WDR90: variants seen among roughly 807,000 people sequenced by gnomAD.
The protein encoded by WDR90 is WD repeat domain 90, also known as WD repeat-containing protein 90.
In WDR90, 238 loss-of-function variants were observed where a neutral mutation model predicts 195.2. The ratio of observed to expected loss-of-function variants is 1.22; its 90% CI spans 1.10 to 1.36. The LOEUF (loss-of-function observed/expected upper bound fraction) is 1.36, where lower values mean the gene tolerates loss of function less well. Ranked by LOEUF, WDR90 falls within the 40% of genes most tolerant of loss-of-function variation. The pLI is 0.00. For missense variants in WDR90, 2,734 were observed against 2,439.5 expected, an observed-to-expected ratio of 1.12 and a Z score of -2.54; for synonymous variants, 1,265 against 1,052.4, an observed-to-expected ratio of 1.20 and a Z score of -3.91.
chr16:660,989 G>GCCCCCCCCCCCCCC, intron 28 of WDR90, 62 bp from the exon 29 acceptor site: 1 of 24,682 alleles, frequency 4.1e-5, no homozygotes, highest in Non-Finnish European at 5.9e-5. Context: ...CCCCTCCCCA[G>GCCCCCCCCCCCCCC]GCCCCTCCCC....
Position 655,896 on chromosome 16 carries a change from C to G in WDR90, c.1966+7C>G, listed in dbSNP as rs1207647914. 8 of 1,587,514 alleles carry G rather than the reference C, an allele frequency of 5.0e-6. No homozygotes were observed. Among genetic ancestry groups the G allele is most frequent in the Non-Finnish European group, 6.8e-6 (8 of 1,171,284 alleles). ...TCGGTGCTCCTGGAGGCAGGTGATGCTGTGGGCACGCTCTCCCAACTCCGG... is the reference window on the plus strand; with the variant it reads ...TCGGTGCTCCTGGAGGCAGGTGATGGTGTGGGCACGCTCTCCCAACTCCGG... On this transcript the variant is annotated splice_region_variant and intron_variant, in intron 17 of 40. Coordinates refer to ENST00000293879, the MANE Select transcript of WDR90 (RefSeq NM_145294.5).
chr16:649,086 C>T (rs564759185), upstream of WDR90: 35 of 306,608 alleles, frequency 1.1e-4, 1 homozygote, highest in East Asian at 1.8e-3. Context: ...TTGCATGCGG[C>T]GGGAGCCCCG....
rs749304920 is a variant in WDR90, at chr16:652,023, G to A, written c.1037G>A (p.Arg346His). 12 of 1,597,128 alleles carry A rather than the reference G, an allele frequency of 7.5e-6. No homozygotes were observed. The South Asian group carries it at 7.9e-5, about 10-fold the overall frequency. ...THESAEVPVARTGSCEGFLPD... is the reference protein window; with the variant it reads ...THESAEVPVAHTGSCEGFLPD... ...GAGTCGGCTGAGGTGCCCGTGGCCC[G>A]CACCGGCTCCTGCGAAGTGAGTGCC... Residue 346 changes from arginine to histidine, a missense_variant, in exon 9 of 41, where the codon CGC (arginine) becomes CAC (histidine). Coordinates refer to ENST00000293879, the MANE Select transcript of WDR90 (RefSeq NM_145294.5).
At chr16:666,876 G>A (rs933765314) in intron 39 of WDR90, 29 bp from the exon 40 acceptor site, 37 of 1,612,870 alleles carry the variant, frequency 2.3e-5, no homozygotes, top group Non-Finnish European at 3.0e-5. Flanking sequence ...GAGCCCACAG[G>A]CCTGGAGCCT....
chr16:657,924 A>G (rs2037796341), intron 21 of WDR90, 32 bp downstream of exon 21: 1 of 1,521,652 alleles, frequency 6.6e-7, no homozygotes, highest in Non-Finnish European at 8.9e-7. Flanking sequence ...GTCCAGGGAG[A>G]CTGGGCCATG....
chr16:655,202 G>A (rs748120697), intron 14 of WDR90, 55 bp downstream of exon 14: 10 of 1,612,158 alleles, frequency 6.2e-6, no homozygotes, highest in African/African-American at 1.3e-5. Context: ...CGGAGTGGGG[G>A]CCGAGGCCCG....
At chr16:651,301 G>A in intron 7 of WDR90, 35 bp downstream of exon 7, 1 of 1,609,818 alleles carries the variant, frequency 6.2e-7, no homozygotes, top group Middle Eastern at 1.7e-4. Flanking sequence ...CCCAGGTTAA[G>A]GCCTGTAGGG....
rs750079031 is a variant in WDR90, at chr16:656,783, C to A, written c.2254C>A (p.Pro752Thr). 5 of 1,613,132 alleles carry A rather than the reference C, an allele frequency of 3.1e-6. No homozygotes were observed. The highest frequency in any genetic ancestry group is 2.2e-5 in the South Asian group (2 of 91,094). ...CGCCCCGTGCGCTGTCACCTTCCAC[C>A]CCACAAGGCCAACCTTTTTCTGTGG... ...EDAPCAVTFHPTRPTFFCGFS... is the reference protein window; with the variant it reads ...EDAPCAVTFHTTRPTFFCGFS... Residue 752 changes from proline to threonine, a missense_variant, in exon 19 of 41, where the codon CCC becomes ACC. Physicochemically the swap from Pro to Thr is conservative, Grantham distance 38. Coordinates refer to ENST00000293879, the MANE Select transcript of WDR90 (RefSeq NM_145294.5).
At chr16:651,164 GC>G (rs1057049273) in intron 6 of WDR90, 34 bp from the exon 7 acceptor site, 10 of 1,613,154 alleles carry the variant, frequency 6.2e-6, no homozygotes, top group Non-Finnish European at 7.6e-6. Flanking sequence ...TGGCCCTTGG[GC>G]CCCCAGACAC....
intron 1 of WDR90, 29 bp from the exon 2 acceptor site, chr16:649,734 C>T: frequency 6.5e-7 from 1 of 1,544,332 alleles, no homozygotes; most frequent in Non-Finnish European, 8.7e-7. Flanking sequence ...TGGCCGAGTC[C>T]CCTGACGCCC....
At chr16:656,929 C>T in intron 19 of WDR90, 58 bp downstream of exon 19, 2 of 1,581,970 alleles carry the variant, frequency 1.3e-6, no homozygotes, top group Admixed American at 3.5e-5. Context: ...GCTGGGGTGG[C>T]CAGGTGGGGG....
At chr16:665,465 A>C (rs531265887) in intron 34 of WDR90, 4 of 677,402 alleles carry the variant, frequency 5.9e-6, no homozygotes, top group Non-Finnish European at 1.0e-5. Flanking sequence ...TTGACTGGCT[A>C]GTGGGCTTGC....
In WDR90 at chr16:666,004, C is replaced by G. The variant is rs374395486; in HGVS notation, c.4489C>G (p.Arg1497Gly). 1 of 1,603,738 alleles carries G rather than the reference C, an allele frequency of 6.2e-7. No homozygotes were observed. The highest frequency in any genetic ancestry group is 1.3e-5 in the African/African-American group (1 of 74,918). ...PPCCGRPEQQ[R>G]LAAGYGDGSL... ...GTGCTGTGGCCGCCCTGAGCAGCAG[C>G]GGCTAGCGGCTGGCTACGGTGACGG... is the stretch of plus-strand genomic sequence containing the variant. The change falls in exon 36 of 41, where the codon CGG becomes GGG. Residue 1497 changes from arginine (R) to glycine (G), a missense_variant. Transcript: ENST00000293879.
rs148710342 is a variant in WDR90, at chr16:651,579, G to A, written c.737-65G>A. On this transcript the variant is annotated intron_variant, in intron 7 of 40. Transcript: ENST00000293879. Reference sequence around the variant, plus strand: ...CCACTTGCTGCTGCCCTCCCCAGGCGTCACCCTCACCAGGCATCTGCACAG... The same window carrying A: ...CCACTTGCTGCTGCCCTCCCCAGGCATCACCCTCACCAGGCATCTGCACAG... 2.1e-4 allele frequency: 314 copies of A among 1,521,572 alleles called. 3 individuals carry two copies. The African/African-American group carries it at 3.1e-3, about 15-fold the overall frequency. 94.3% of individuals were successfully genotyped at this position (1,521,572 alleles called of 1,614,324 possible). A position where few individuals can be genotyped will look rare whatever the true frequency, so the allele number is the denominator to read the frequency against.
rs374002377 is a variant in WDR90, at chr16:661,818, G to A, written c.3864+31G>A. 6 of 1,587,466 alleles carry A rather than the reference G, an allele frequency of 3.8e-6. No homozygotes were observed. In the African/African-American group the frequency reaches 5.4e-5, roughly 14 times the overall value. On this transcript the variant is annotated intron_variant, in intron 31 of 40. Transcript: ENST00000293879. ...ACCCGTTCAGCGTTTGGGCCCAGGGGTTGTTTTGTGGGGTGGAATCTGCCT... is the reference window on the plus strand; with the variant it reads ...ACCCGTTCAGCGTTTGGGCCCAGGGATTGTTTTGTGGGGTGGAATCTGCCT...
chr16:666,928 C>T lies in WDR90; in HGVS notation c.5028C>T (p.Pro1676=), dbSNP rs1567226359. ...QKQVVEKIPL[P]FFAMSLSLSP... ...AGGTGGTGGAGAAGATACCACTGCC[C>T]TTTTTTGCCATGTCCCTGAGCCTGT... Residue 1676 remains proline, a synonymous_variant, in exon 40 of 41, where the codon CCC becomes CCT. Transcript: ENST00000293879. 3.7e-6 allele frequency: 6 copies of T among 1,613,076 alleles called. No individual in the cohort carries two copies. The highest frequency in any genetic ancestry group is 3.3e-5 in the South Asian group (3 of 91,032).
rs551429282 is a variant in WDR90 at position 653,770 on chromosome 16, C to T, written c.1404C>T (p.Leu468=). The T allele has an allele frequency of 1.1e-5, 17 of 1,613,276 alleles. No individual in the cohort carries two copies. Among genetic ancestry groups the T allele is most frequent in the Admixed American group, 1.0e-4 (6 of 60,026 alleles). Residue 468 remains leucine, a synonymous_variant, in exon 13 of 41, where the codon CTC becomes CTT. Transcript: ENST00000293879. ...SLSFSDSGAL[L]CGVGKDHHGR... ...GCTTCTCTGACAGCGGGGCCCTTCTCTGCGGGGTTGGCAAGGACCACCACG... is the reference window on the plus strand; with the variant it reads ...GCTTCTCTGACAGCGGGGCCCTTCTTTGCGGGGTTGGCAAGGACCACCACG...
rs777557710 is a variant in WDR90 at position 667,472 on chromosome 16, C to G, written c.5130C>G (p.Ala1710=). ...LRLVDCAMGT[A]QDFAGHDNAV... ...TGGTAGACTGTGCCATGGGGACTGC[C>G]CAAGACTTTGCCGGCCACGACAACG... The change falls in exon 41 of 41, where the codon GCC becomes GCG. Residue 1710 remains alanine, a synonymous_variant. Coordinates refer to ENST00000293879, the MANE Select transcript of WDR90 (RefSeq NM_145294.5). The G allele has an allele frequency of 6.2e-7, 1 of 1,610,104 alleles. No homozygotes were observed. Among genetic ancestry groups the G allele is most frequent in the East Asian group, 2.2e-5 (1 of 44,782 alleles).
At position 655,561 on chromosome 16, in the gene WDR90, C is replaced by T; in HGVS notation, c.1719-12C>T. On this transcript the variant is annotated splice_polypyrimidine_tract_variant and intron_variant, in intron 15 of 40. Coordinates refer to ENST00000293879, the MANE Select transcript of WDR90 (RefSeq NM_145294.5). ...CTGAGGGCCTCACCTTCCCTGCCGC[C>T]TCCTCGGGCAGCTTCGTGTGCAGCC... The T allele has an allele frequency of 6.3e-7, 1 of 1,577,298 alleles. No individual in the cohort carries two copies. The highest frequency in any genetic ancestry group is 1.2e-5 in the South Asian group (1 of 86,688).
Sources: gnomAD v4.1 joint callset for allele counts on GRCh38, gnomAD v4.1.1 for gene constraint, MANE v1.5 for transcripts, NCBI Gene and HGNC (gene_info 2026-07-23, HGNC 2026-07-21) for gene names.